RPS6KA5: variants seen among roughly 807,000 people sequenced by gnomAD.
RPS6KA5 encodes ribosomal protein S6 kinase A5, also known as ribosomal protein S6 kinase alpha-5.
A neutral mutation model predicts 85.5 loss-of-function variants in RPS6KA5; 27 were observed. The observed-to-expected ratio is 0.32, with a 90% CI of 0.23 to 0.44. RPS6KA5 has a LOEUF of 0.44. RPS6KA5 is among the 20% of genes least tolerant of loss of function. RPS6KA5 has a pLI of 1.00. For synonymous variants in RPS6KA5, 334 were observed against 348.2 expected, an observed-to-expected ratio of 0.96 and a Z score of 0.46; for missense variants, 811 against 980.9, an observed-to-expected ratio of 0.83 and a Z score of 2.31.
chr14:90,951,118 C>A (rs77012224), intron 3 of RPS6KA5, among the ~76,000 whole-genome samples: 1,552 of 84,196 alleles, frequency 0.018, no homozygotes, highest in Middle Eastern at 0.06. Flanking sequence ...GACTCAGTCT[C>A]AAAAAAAAAA....
At chr14:90,917,706 A>G (rs2036194444) in intron 7 of RPS6KA5, among the ~76,000 whole-genome samples, 1 of 148,926 alleles carries the variant, frequency 6.7e-6, no homozygotes, top group Non-Finnish European at 1.5e-5. Context: ...AGATTCATCC[A>G]TTTGCAAGAG....
At chr14:90,992,836 T>A (rs1340418944) in intron 2 of RPS6KA5, among the ~76,000 whole-genome samples, 1 of 152,210 alleles carries the variant, frequency 6.6e-6, no homozygotes, top group Non-Finnish European at 1.5e-5. Context: ...TTCAATCAGT[T>A]TGGTAATTTA....
intron 3 of RPS6KA5, among the ~76,000 whole-genome samples, chr14:90,960,056 T>C (rs187962456): frequency 3.3e-5 from 5 of 152,276 alleles, no homozygotes; most frequent in Non-Finnish European, 4.4e-5. Flanking sequence ...TTTGGATTAG[T>C]TCTCCCTGAA....
chr14:90,943,305 C>T (rs1256246635), intron 4 of RPS6KA5, 120 bp from the exon 5 acceptor site: 3 of 600,348 alleles, frequency 5.0e-6, no homozygotes, highest in Non-Finnish European at 8.7e-6. Flanking sequence ...TCCTCAGGAT[C>T]CTGTAATGGC....
rs1384694627 is a variant in RPS6KA5, at chr14:90,914,321, T to TTG, written c.806+5884_806+5885insCA. Among the ~76,000 whole-genome samples, 6 of 144,428 alleles carry TTG rather than the reference T, an allele frequency of 4.2e-5. 1 individual carries two copies. In the East Asian group the frequency reaches 1.0e-3, roughly 25 times the overall value. 94.8% of individuals were successfully genotyped at this position (144,428 alleles called of 152,430 possible). ...AATGATCCCTAGGGTTTTTTTTTTT[T>TTG]TTTTTTTTTTGAGATGGAGTTTCAC... On this transcript the variant is annotated intron_variant, in intron 7 of 16. Transcript: ENST00000614987.
At chr14:91,045,675 T>C (rs2042844067) in intron 1 of RPS6KA5, among the ~76,000 whole-genome samples, 1 of 152,244 alleles carries the variant, frequency 6.6e-6, no homozygotes, top group Non-Finnish European at 1.5e-5. Context: ...AGTAGTTTCC[T>C]ACCTGGTTTC....
chr14:90,896,633 GGGGGGTGTCTAGAA>G (rs2034849569), intron 12 of RPS6KA5, among the ~76,000 whole-genome samples: 1 of 152,122 alleles, frequency 6.6e-6, no homozygotes, highest in South Asian at 2.1e-4. Context: ...AGGAAATGTT[GGGGGGTGTCTAGAA>G]GCTACAAAAG....
intron 7 of RPS6KA5, among the ~76,000 whole-genome samples, chr14:90,918,129 C>G (rs569156991): frequency 6.6e-6 from 1 of 152,214 alleles, no homozygotes; most frequent in South Asian, 2.1e-4. Context: ...AGTTTTTGTA[C>G]CATTTTACAT....
chr14:90,950,869 C>G (rs1046018517), intron 3 of RPS6KA5, among the ~76,000 whole-genome samples: 1 of 152,018 alleles, frequency 6.6e-6, no homozygotes, highest in African/African-American at 2.4e-5. Context: ...GCCTGTAATC[C>G]CAGCACTTTG....
chr14:90,920,479 GA>G (rs2036348979), intron 6 of RPS6KA5, among the ~76,000 whole-genome samples, 170 bp from the exon 7 acceptor site: 1 of 152,044 alleles, frequency 6.6e-6, no homozygotes, highest in East Asian at 1.9e-4. Flanking sequence ...GACATTTAGA[GA>G]ACAAATATCC....
In RPS6KA5 at chr14:90,854,364, GT is replaced by G. The variant is rs199610198; in HGVS notation, c.*17709del. 1,189 of 152,150 alleles carry G rather than the reference GT, an allele frequency of 7.8e-3. 23 individuals are homozygous for G. The highest frequency in any genetic ancestry group is 0.027 in the African/African-American group (1,137 of 41,498). The allele number at this position is 152,150 out of a possible 1,614,324, so 9.4% of individuals were successfully genotyped here. ...AACATGAAATCAGCACAGAAACTAA[GT>G]TTTTAGAAATAGCCTACATAATGAA... On this transcript the variant is annotated 3_prime_UTR_variant, in exon 17 of 17. Coordinates refer to ENST00000614987, the MANE Select transcript of RPS6KA5 (RefSeq NM_004755.4).
chr14:90,916,833 C>G (rs1422093235), intron 7 of RPS6KA5, among the ~76,000 whole-genome samples: 1 of 152,186 alleles, frequency 6.6e-6, no homozygotes, highest in African/African-American at 2.4e-5. Context: ...GATTCAGGCT[C>G]TCTTTCTCTT....
chr14:90,960,255 T>G (rs1160061265), intron 3 of RPS6KA5, among the ~76,000 whole-genome samples: 1 of 152,108 alleles, frequency 6.6e-6, no homozygotes, highest in Non-Finnish European at 1.5e-5. Flanking sequence ...AAGAGATCTA[T>G]CAACTCTGTT....
chr14:91,053,585 T>G (rs2043182948), intron 1 of RPS6KA5, among the ~76,000 whole-genome samples: 1 of 152,168 alleles, frequency 6.6e-6, no homozygotes, highest in Non-Finnish European at 1.5e-5. Context: ...AACTAGTTCC[T>G]TTTACTATAG....
intron 1 of RPS6KA5, among the ~76,000 whole-genome samples, chr14:91,035,117 T>C (rs528325719): frequency 6.6e-6 from 1 of 151,808 alleles, no homozygotes; most frequent in Non-Finnish European, 1.5e-5. Context: ...AAGATGATAA[T>C]TTGAGCTAAG....
At chr14:90,997,230 T>C (rs1414748050) in intron 2 of RPS6KA5, among the ~76,000 whole-genome samples, 1 of 152,222 alleles carries the variant, frequency 6.6e-6, no homozygotes, top group South Asian at 2.1e-4. Flanking sequence ...CTTCAAAGAT[T>C]ACTTTAAACA....
intron 3 of RPS6KA5, among the ~76,000 whole-genome samples, chr14:90,956,804 C>A (rs1219264442): frequency 6.6e-6 from 1 of 151,664 alleles, no homozygotes; most frequent in Non-Finnish European, 1.5e-5. Context: ...ATATTCTCTT[C>A]CCCTTTTGTG....
At chr14:90,922,751 A>G (rs2140296746) in intron 6 of RPS6KA5, among the ~76,000 whole-genome samples, 1 of 152,296 alleles carries the variant, frequency 6.6e-6, no homozygotes, top group Non-Finnish European at 1.5e-5. Flanking sequence ...AAAAGAATGG[A>G]GTCATAGTTT....
chr14:91,054,883 T>C (rs888299105), intron 1 of RPS6KA5, among the ~76,000 whole-genome samples: 7 of 151,936 alleles, frequency 4.6e-5, no homozygotes, highest in African/African-American at 1.7e-4. Flanking sequence ...TGGAGGAAAA[T>C]ATATGCAAAT....
Sources: allele counts gnomAD v4.1 joint callset (sites outside exome capture counted in the v4.1 genomes callset), GRCh38; gene constraint gnomAD v4.1.1; transcripts MANE v1.5; gene names NCBI Gene and HGNC (gene_info 2026-07-23, HGNC 2026-07-21).